Variants in KIAA1328 observed in about 807,000 individuals in gnomAD.
KIAA1328 encodes protein hinderin.
Under a neutral mutation model 68.1 loss-of-function variants are expected in KIAA1328, and 52 were observed. The observed-to-expected ratio is 0.76, with a 90% CI of 0.61 to 0.96. The LOEUF is 0.96. Among genes scored for constraint, KIAA1328 ranks in the 40% least tolerant of loss-of-function variants. The pLI is 0.00. For synonymous variants in KIAA1328, 232 were observed against 239.4 expected (o/e 0.97, Z 0.28); for missense variants, 641 against 677.6 (o/e 0.95, Z 0.60).
intron 7 of KIAA1328, among the ~76,000 whole-genome samples, chr18:37,089,841 T>C (rs1013689235): frequency 2.0e-5 from 3 of 152,210 alleles, no homozygotes; most frequent in Non-Finnish European, 4.4e-5. Context: ...AGGGTCATCT[T>C]TGTGTAAGCA....
chr18:36,997,473 G>T (rs980925622), intron 6 of KIAA1328, among the ~76,000 whole-genome samples: 4 of 152,118 alleles, frequency 2.6e-5, no homozygotes, highest in Non-Finnish European at 5.9e-5. Flanking sequence ...CTGGCTATAG[G>T]AGAGCCCCTT....
intron 7 of KIAA1328, among the ~76,000 whole-genome samples, chr18:37,130,379 G>A (rs2058493184): frequency 6.6e-6 from 1 of 152,184 alleles, no homozygotes; most frequent in Non-Finnish European, 1.5e-5. Flanking sequence ...CAGCACTTTG[G>A]GAGGCCGAGG....
chr18:36,925,502 A>G (rs935597395), intron 5 of KIAA1328, among the ~76,000 whole-genome samples: 1 of 151,920 alleles, frequency 6.6e-6, no homozygotes, highest in Non-Finnish European at 1.5e-5. Flanking sequence ...GAAACTAATT[A>G]CATTAGTTAC....
At chr18:37,135,534 G>A (rs1357262465) in intron 7 of KIAA1328, among the ~76,000 whole-genome samples, 1 of 152,020 alleles carries the variant, frequency 6.6e-6, no homozygotes, top group Non-Finnish European at 1.5e-5. Flanking sequence ...TTTTAATGGG[G>A]TTGTTTTTTG....
chr18:36,917,868 A>G (rs1371788992), intron 5 of KIAA1328, among the ~76,000 whole-genome samples: 1 of 152,212 alleles, frequency 6.6e-6, no homozygotes, highest in Non-Finnish European at 1.5e-5. Context: ...GCAAAAAGTC[A>G]TAAGAATGAA....
At chr18:36,855,779 ATATTTAAG>A (rs1568082097) in intron 4 of KIAA1328, among the ~76,000 whole-genome samples, 1 of 151,522 alleles carries the variant, frequency 6.6e-6, no homozygotes, top group African/African-American at 2.4e-5. Flanking sequence ...TTTAACTATT[ATATTTAAG>A]TATTTATTTA....
At chr18:37,182,929 A>G (rs1276357789) in intron 9 of KIAA1328, among the ~76,000 whole-genome samples, 1 of 152,186 alleles carries the variant, frequency 6.6e-6, no homozygotes, top group South Asian at 2.1e-4. Flanking sequence ...CTAAAACAAT[A>G]CATGTGATAT....
downstream of KIAA1328, chr18:37,230,881 C>G (rs1329047505): frequency 1.3e-5 from 2 of 152,168 alleles, no homozygotes. Flanking sequence ...TACACAAGTT[C>G]CCCACTGCTT....
chr18:36,956,462 C>T (rs896093521), intron 5 of KIAA1328, among the ~76,000 whole-genome samples: 3 of 150,334 alleles, frequency 2.0e-5, no homozygotes, highest in Non-Finnish European at 4.4e-5. Flanking sequence ...TTGAGAAGGA[C>T]GTTTTGTCCG....
At chr18:37,165,529 C>G (rs1341455958) in intron 8 of KIAA1328, among the ~76,000 whole-genome samples, 1 of 151,522 alleles carries the variant, frequency 6.6e-6, no homozygotes, top group Non-Finnish European at 1.5e-5. Flanking sequence ...AAGCAGTTCT[C>G]CCGCCTCAGC....
chr18:37,013,096 G>T (rs2054031091), intron 6 of KIAA1328, among the ~76,000 whole-genome samples: 1 of 152,040 alleles, frequency 6.6e-6, no homozygotes, highest in Admixed American at 6.6e-5. Context: ...AGGCCATTTT[G>T]GTGTTAGTTA....
At chr18:37,180,517 C>T (rs1401995070) in intron 9 of KIAA1328, among the ~76,000 whole-genome samples, 1 of 152,030 alleles carries the variant, frequency 6.6e-6, no homozygotes, top group South Asian at 2.1e-4. Flanking sequence ...GTTTTTATAA[C>T]TTGATAGAAA....
chr18:37,011,706 A>G (rs2053985576), intron 6 of KIAA1328, among the ~76,000 whole-genome samples: 1 of 152,236 alleles, frequency 6.6e-6, no homozygotes, highest in Non-Finnish European at 1.5e-5. Context: ...AAGTGAAAGA[A>G]GCCAAACTCA....
intron 6 of KIAA1328, among the ~76,000 whole-genome samples, chr18:37,065,732 A>G (rs1286972058): frequency 6.6e-6 from 1 of 152,234 alleles, no homozygotes; most frequent in Admixed American, 6.5e-5. Context: ...GTTAATTACA[A>G]GTGTCTACCT....
intron 6 of KIAA1328, among the ~76,000 whole-genome samples, chr18:37,058,723 T>C (rs538460223): frequency 8.6e-4 from 131 of 151,860 alleles, no homozygotes; most frequent in Middle Eastern, 6.8e-3. Context: ...AAAAAAAAAT[T>C]TTAATAAAAT....
intron 6 of KIAA1328, among the ~76,000 whole-genome samples, chr18:37,049,757 A>C (rs1314375673): frequency 6.6e-6 from 1 of 152,194 alleles, no homozygotes; most frequent in East Asian, 1.9e-4. Context: ...TCACCTTGGG[A>C]AATCTTGGAT....
intron 9 of KIAA1328, among the ~76,000 whole-genome samples, chr18:37,218,145 T>C (rs2060483967): frequency 6.6e-6 from 1 of 152,188 alleles, no homozygotes; most frequent in African/African-American, 2.4e-5. Flanking sequence ...AATGAACAAT[T>C]TAAAAGACAA....
At chr18:36,962,507 AC>A (rs1435268380) in intron 6 of KIAA1328, among the ~76,000 whole-genome samples, 1 of 152,226 alleles carries the variant, frequency 6.6e-6, no homozygotes, top group Non-Finnish European at 1.5e-5. Context: ...CCCCAAATCA[AC>A]AGAATATACA....
chr18:36,882,278 C>A (rs1022928823), intron 4 of KIAA1328, among the ~76,000 whole-genome samples: 1 of 152,046 alleles, frequency 6.6e-6, no homozygotes, highest in South Asian at 2.1e-4. Context: ...AGAATTAGGT[C>A]TTTTTATTTT....
Sources: gnomAD v4.1 joint callset for allele counts (sites outside exome capture counted in the v4.1 genomes callset) on GRCh38, gnomAD v4.1.1 for gene constraint, MANE v1.5 for transcripts, NCBI Gene and HGNC (gene_info 2026-07-23, HGNC 2026-07-21) for gene names.